Variants in CCSER2 observed in about 807,000 individuals in gnomAD.
CCSER2 encodes serine-rich coiled-coil domain-containing protein 2.
In CCSER2, 46 loss-of-function variants were observed where a neutral mutation model predicts 92.3. The ratio of observed to expected loss-of-function variants is 0.50; its 90% CI spans 0.39 to 0.64. The LOEUF is 0.64. CCSER2 is among the 30% of genes least tolerant of loss of function. The pLI is 0.00. For synonymous variants in CCSER2, 433 were observed against 431.4 expected, an observed-to-expected ratio of 1.00 and a Z score of -0.04; for missense variants, 1,244 against 1,238.9, an observed-to-expected ratio of 1.00 and a Z score of -0.06.
At chr10:84,412,432 T>A (rs998365008) in intron 3 of CCSER2, among the ~76,000 whole-genome samples, 1 of 152,150 alleles carries the variant, frequency 6.6e-6, no homozygotes, top group African/African-American at 2.4e-5. Flanking sequence ...ATGGGCTTTT[T>A]TTTTTGGTTG....
At chr10:84,334,621 G>A (rs1468692761) in intron 1 of CCSER2, among the ~76,000 whole-genome samples, 1 of 152,144 alleles carries the variant, frequency 6.6e-6, no homozygotes, top group Non-Finnish European at 1.5e-5. Context: ...CTTAGTTTCA[G>A]TATAGTTGGA....
chr10:84,349,982 C>T (rs546418086), intron 1 of CCSER2, among the ~76,000 whole-genome samples: 1 of 152,208 alleles, frequency 6.6e-6, no homozygotes, highest in South Asian at 2.1e-4. Flanking sequence ...GGTGAAACCC[C>T]ATCTCTATTC....
At chr10:84,501,425 C>T (rs1419046863) in intron 9 of CCSER2, among the ~76,000 whole-genome samples, 1 of 152,104 alleles carries the variant, frequency 6.6e-6, no homozygotes, top group Non-Finnish European at 1.5e-5. Flanking sequence ...CCATGTTCCT[C>T]CCCCTTTCTC....
chr10:84,499,392 C>G (rs532690188), intron 9 of CCSER2, among the ~76,000 whole-genome samples: 4 of 152,158 alleles, frequency 2.6e-5, no homozygotes, highest in Non-Finnish European at 5.9e-5. Context: ...CCTCATCCTC[C>G]CAAAGTGCTG....
chr10:84,416,655 G>A (rs544066441), intron 3 of CCSER2, among the ~76,000 whole-genome samples: 56 of 151,814 alleles, frequency 3.7e-4, no homozygotes, highest in Non-Finnish European at 6.3e-4. Context: ...TTGGCTGGGC[G>A]CGGTAGCTCA....
At chr10:84,420,686 C>T (rs139333707) in intron 4 of CCSER2, among the ~76,000 whole-genome samples, 134 of 152,146 alleles carry the variant, frequency 8.8e-4, no homozygotes, top group African/African-American at 3.0e-3. Context: ...GTAATCCCAG[C>T]GCTTTGGGAG....
At position 84,513,722 on chromosome 10, in the gene CCSER2, G is replaced by A; in HGVS notation, c.2599G>A (p.Ala867Thr). The change falls in exon 10 of 10, where the codon GCT (alanine) becomes ACT (threonine). Residue 867 changes from alanine to threonine, a missense_variant. Physicochemically the swap from Ala to Thr is moderately conservative, Grantham distance 58. Coordinates refer to ENST00000372088, the MANE Select transcript of CCSER2 (RefSeq NM_001284240.2). ...AGCAAACTTAAACATTACTGTAAATGCTCAAGAGCCTTATCATTTGGCAAA... is the reference window on the plus strand; with the variant it reads ...AGCAAACTTAAACATTACTGTAAATACTCAAGAGCCTTATCATTTGGCAAA... ...SEANLNITVN[A>T]QEPYHLANNQ... 6.5e-7 allele frequency: 1 copy of A among 1,538,140 alleles called. No individual in the cohort carries two copies. The highest frequency in any genetic ancestry group is 1.2e-5 in the South Asian group (1 of 84,162).
At chr10:84,340,799 A>T (rs1416247747) in intron 1 of CCSER2, among the ~76,000 whole-genome samples, 1 of 151,974 alleles carries the variant, frequency 6.6e-6, no homozygotes, top group Non-Finnish European at 1.5e-5. Flanking sequence ...TGTAGGTCTT[A>T]CTTCTACATC....
chr10:84,500,093 C>G, intron 9 of CCSER2: 5 of 1,171,562 alleles, frequency 4.3e-6, no homozygotes, highest in Non-Finnish European at 6.0e-6. Flanking sequence ...AAGCAGCACT[C>G]TCTGTGGTCT....
chr10:84,454,063 G>C (rs1188988305), intron 6 of CCSER2, among the ~76,000 whole-genome samples: 1 of 152,116 alleles, frequency 6.6e-6, no homozygotes, highest in Non-Finnish European at 1.5e-5. Flanking sequence ...AGTTTATTCT[G>C]TCATAGTTCT....
chr10:84,457,655 A>G (rs1166582624), intron 6 of CCSER2, among the ~76,000 whole-genome samples: 2 of 103,206 alleles, frequency 1.9e-5, no homozygotes, highest in Non-Finnish European at 3.8e-5. Flanking sequence ...ATATAATTAT[A>G]TTATTTTTAA....
chr10:84,470,262 C>A (rs1846708733), intron 7 of CCSER2, 110 bp from the exon 8 acceptor site: 2 of 530,322 alleles, frequency 3.8e-6, no homozygotes, highest in Non-Finnish European at 5.6e-6. Flanking sequence ...TAGAGGATTT[C>A]CCCCCTAAAT....
chr10:84,504,833 CAAAT>C (rs1306215173), intron 9 of CCSER2, among the ~76,000 whole-genome samples: 1 of 152,044 alleles, frequency 6.6e-6, no homozygotes, highest in Non-Finnish European at 1.5e-5. Context: ...AAGGAAGATG[CAAAT>C]AAATCATAAA....
rs1216851814 is a variant in CCSER2 at position 84,463,985 on chromosome 10, C to A, written c.2117C>A (p.Pro706Gln). The change falls in exon 7 of 10, where the codon CCA becomes CAA. Residue 706 changes from proline (P) to glutamine (Q), a missense_variant. Physicochemically the swap from Pro to Gln is moderately conservative, Grantham distance 76 (BLOSUM62 -1). Coordinates refer to ENST00000372088, the MANE Select transcript of CCSER2 (RefSeq NM_001284240.2). ...HDIQLSLPSSPEPEDGDKVYK... is the reference protein window; with the variant it reads ...HDIQLSLPSSQEPEDGDKVYK... ...ATTCAACTGTCATTGCCATCCAGTC[C>A]AGAACCAGAAGATGGTGATAAAGTA... 1 of 1,609,916 alleles carries A rather than the reference C, an allele frequency of 6.2e-7. No individual in the cohort carries two copies. Among genetic ancestry groups the A allele is most frequent in the East Asian group, 2.2e-5 (1 of 44,744 alleles).
chr10:84,436,218 C>A (rs1331711099), intron 5 of CCSER2, among the ~76,000 whole-genome samples: 1 of 141,258 alleles, frequency 7.1e-6, no homozygotes, highest in Non-Finnish European at 1.5e-5. Context: ...CCCAGCTACT[C>A]GGGAGGCTGA....
At chr10:84,470,112 A>C (rs531878603) in intron 7 of CCSER2, among the ~76,000 whole-genome samples, 1 of 151,448 alleles carries the variant, frequency 6.6e-6, no homozygotes, top group East Asian at 1.9e-4. Flanking sequence ...TGTGGGTAGA[A>C]TCAAATGCTT....
chr10:84,459,832 G>A (rs181263333), intron 6 of CCSER2, among the ~76,000 whole-genome samples: 142 of 151,468 alleles, frequency 9.4e-4, no homozygotes, highest in Non-Finnish European at 1.5e-3. Flanking sequence ...TGGGTTTTTT[G>A]GATGAACTTT....
chr10:84,466,715 G>A (rs992613699), intron 7 of CCSER2, among the ~76,000 whole-genome samples: 3 of 150,558 alleles, frequency 2.0e-5, no homozygotes, highest in Admixed American at 6.6e-5. Flanking sequence ...GGGTTTCACC[G>A]TGTTAGCCAG....
intron 5 of CCSER2, among the ~76,000 whole-genome samples, chr10:84,438,194 A>C (rs1472464961): frequency 6.6e-6 from 1 of 152,228 alleles, no homozygotes; most frequent in Non-Finnish European, 1.5e-5. Flanking sequence ...TCAGTGCAGA[A>C]AAGGAAGAAT....
Sources: gnomAD v4.1 joint callset for allele counts (sites outside exome capture counted in the v4.1 genomes callset) on GRCh38, gnomAD v4.1.1 for gene constraint, MANE v1.5 for transcripts, NCBI Gene and HGNC (gene_info 2026-07-23, HGNC 2026-07-21) for gene names.